NRXN1: variants seen among roughly 807,000 people sequenced by gnomAD.
NRXN1 encodes neurexin-1.
Under a neutral mutation model 150.9 loss-of-function variants are expected in NRXN1, and 39 were observed. The ratio of observed to expected loss-of-function variants is 0.26; its 90% CI spans 0.20 to 0.34. The LOEUF is 0.34. Ranked by LOEUF, NRXN1 falls within the 10% of genes least tolerant of loss-of-function variation. The probability of loss-of-function intolerance (pLI) is 1.00; values close to 1 mark genes in which losing one functional copy is unlikely to be tolerated. For synonymous variants in NRXN1, 924 were observed against 757.0 expected (o/e 1.22, Z -3.62); for missense variants, 1,815 against 1,949.9 (o/e 0.93, Z 1.30).
intron 5 of NRXN1, among the ~76,000 whole-genome samples, chr2:50,892,182 A>G (rs558657552): frequency 6.6e-6 from 1 of 152,294 alleles, no homozygotes; most frequent in South Asian, 2.1e-4. Context: ...TGTATTGCCA[A>G]TACCTGAGGG....
chr2:49,950,981 A>G (rs986309577), intron 21 of NRXN1, among the ~76,000 whole-genome samples: 4 of 151,878 alleles, frequency 2.6e-5, no homozygotes, highest in Non-Finnish European at 5.9e-5. Context: ...AAGCCATTCA[A>G]TTTTCTTCGA....
At chr2:51,026,994 C>G (rs1670593802) in intron 2 of NRXN1, among the ~76,000 whole-genome samples, 1 of 152,196 alleles carries the variant, frequency 6.6e-6, no homozygotes, top group Non-Finnish European at 1.5e-5. Context: ...TCCTTTACCA[C>G]GAGTGACCAG....
chr2:50,559,554 C>T (rs920260664), intron 8 of NRXN1, among the ~76,000 whole-genome samples: 1 of 152,084 alleles, frequency 6.6e-6, no homozygotes, highest in Non-Finnish European at 1.5e-5. Flanking sequence ...TTATCTTAAA[C>T]ATTTGCTAGT....
chr2:50,776,655 TAC>T (rs59117287), intron 5 of NRXN1, among the ~76,000 whole-genome samples: 6,088 of 147,110 alleles, frequency 0.041, 379 homozygotes, highest in African/African-American at 0.13. Flanking sequence ...TATATACACA[TAC>T]ACACACACAC....
chr2:50,166,794 AT>A (rs747687421), intron 18 of NRXN1, among the ~76,000 whole-genome samples: 198 of 152,290 alleles, frequency 1.3e-3, no homozygotes, highest in Non-Finnish European at 1.7e-3. Context: ...CTTCTGAAGA[AT>A]TTTGAATCCT....
intron 5 of NRXN1, among the ~76,000 whole-genome samples, chr2:50,791,138 A>T (rs58695546): frequency 0.033 from 4,394 of 132,494 alleles, 163 homozygotes; most frequent in African/African-American, 0.09. Flanking sequence ...TTTTTTTTTT[A>T]AAAAAAAAGA....
rs534259185 is a variant in NRXN1, at chr2:50,004,667, C to T, written c.4128+48604G>A. On this transcript the variant is annotated intron_variant, in intron 21 of 22. Transcript: ENST00000401669. ...TACCTTCCTTTGCCTCCCAAATCAA[C>T]AACCTGAAGGTAGGCCGAATTAATA... is the stretch of plus-strand genomic sequence containing the variant. 4.6e-5 allele frequency among the ~76,000 whole-genome samples: 7 copies of T among 152,228 alleles called. No homozygotes were observed. In the East Asian group the frequency reaches 1.2e-3, roughly 25 times the overall value.
intron 2 of NRXN1, chr2:50,963,824 T>C (rs894854138): frequency 7.0e-6 from 2 of 284,660 alleles, no homozygotes; most frequent in Admixed American, 4.1e-5. Context: ...CTTCTGTGTA[T>C]TGAATAACTT....
intron 18 of NRXN1, among the ~76,000 whole-genome samples, chr2:50,169,479 C>T (rs2059890967): frequency 6.6e-6 from 1 of 151,878 alleles, no homozygotes; most frequent in African/African-American, 2.4e-5. Flanking sequence ...CTTTGGGAGG[C>T]CAAGGAGGGC....
intron 17 of NRXN1, among the ~76,000 whole-genome samples, chr2:50,342,243 T>A (rs1367775327): frequency 6.6e-6 from 1 of 152,228 alleles, no homozygotes; most frequent in Non-Finnish European, 1.5e-5. Flanking sequence ...AGTGCCAGGG[T>A]TACTTGGATC....
intron 2 of NRXN1, among the ~76,000 whole-genome samples, chr2:50,928,404 G>A (rs1404071837): frequency 6.6e-6 from 1 of 151,912 alleles, no homozygotes; most frequent in African/African-American, 2.4e-5. Context: ...GTATCCATTT[G>A]CTAACTTTAC....
chr2:50,327,655 C>G (rs906796631), intron 17 of NRXN1, among the ~76,000 whole-genome samples: 1 of 148,610 alleles, frequency 6.7e-6, no homozygotes, highest in East Asian at 2.0e-4. Flanking sequence ...TCCTTTCTTT[C>G]TTTTTTTTTG....
At chr2:50,250,900 ATTGTATATTTAT>A (rs1227338172) in intron 17 of NRXN1, among the ~76,000 whole-genome samples, 1 of 150,638 alleles carries the variant, frequency 6.6e-6, no homozygotes, top group Non-Finnish European at 1.5e-5. Flanking sequence ...TACATATGTA[ATTGTATATTTAT>A]TACACATTGC....
At chr2:50,762,865 C>T (rs1302943781) in intron 5 of NRXN1, among the ~76,000 whole-genome samples, 1 of 151,826 alleles carries the variant, frequency 6.6e-6, no homozygotes, top group Non-Finnish European at 1.5e-5. Context: ...CCTTTCCTAG[C>T]CCAGTTTTCT....
At position 50,019,293 on chromosome 2, in the gene NRXN1, A is replaced by G. The variant is rs1229496758; in HGVS notation, c.4128+33978T>C. 3 of 471,418 alleles carry G rather than the reference A, an allele frequency of 6.4e-6. No individual in the cohort carries two copies. The East Asian group carries it at 2.1e-4, about 33-fold the overall frequency. The allele number at this position is 471,418 out of a possible 1,614,324, so 29.2% of individuals were successfully genotyped here. On this transcript the variant is annotated intron_variant, in intron 21 of 22. Coordinates refer to ENST00000401669, the MANE Select transcript of NRXN1 (RefSeq NM_001330078.2). ...CCATAAGTTTGAAAGCTGTTTGAGG[A>G]CAGGGATATGTTTATTCTGTACTTT...
intron 17 of NRXN1, among the ~76,000 whole-genome samples, chr2:50,373,265 G>T (rs2080158811): frequency 1.4e-5 from 2 of 146,446 alleles, no homozygotes; most frequent in Non-Finnish European, 3.0e-5. Flanking sequence ...AGACCAGGAT[G>T]TCCATATCAG....
chr2:50,162,014 T>C (rs573377383), intron 18 of NRXN1, among the ~76,000 whole-genome samples: 1 of 152,178 alleles, frequency 6.6e-6, no homozygotes, highest in South Asian at 2.1e-4. Context: ...CAAAAACAAG[T>C]AAGAGAATGA....
chr2:50,195,196 G>T (rs2061679997), intron 18 of NRXN1, among the ~76,000 whole-genome samples: 1 of 152,142 alleles, frequency 6.6e-6, no homozygotes, highest in Non-Finnish European at 1.5e-5. Context: ...TAAATATGCA[G>T]AGAATGCAAG....
intron 18 of NRXN1, among the ~76,000 whole-genome samples, chr2:50,221,402 G>A (rs2063878068): frequency 6.6e-6 from 1 of 151,864 alleles, no homozygotes; most frequent in South Asian, 2.1e-4. Context: ...AGACAGCCAC[G>A]GCATTAACAA....
Sources: allele counts gnomAD v4.1 joint callset (sites outside exome capture counted in the v4.1 genomes callset), GRCh38; gene constraint gnomAD v4.1.1; transcripts MANE v1.5; gene names NCBI Gene and HGNC (gene_info 2026-07-23, HGNC 2026-07-21).